Variants in LPP observed in about 807,000 individuals in gnomAD.
The protein encoded by LPP is lipoma-preferred partner.
LPP carries 38 observed loss-of-function variants against 60.4 expected under a neutral mutation model. The ratio of observed to expected loss-of-function variants is 0.63; its 90% CI spans 0.49 to 0.83. The LOEUF (loss-of-function observed/expected upper bound fraction) is 0.83, where lower values mean the gene tolerates loss of function less well. Among genes scored for constraint, LPP ranks in the 40% least tolerant of loss-of-function variants. The pLI is 0.00. For synonymous variants in LPP, 328 were observed against 290.8 expected (o/e 1.13, Z -1.30); for missense variants, 902 against 783.6 (o/e 1.15, Z -1.80).
intron 9 of LPP, among the ~76,000 whole-genome samples, chr3:188,763,763 A>G (rs564189292): frequency 8.1e-4 from 124 of 152,208 alleles, no homozygotes; most frequent in African/African-American, 2.7e-3. Flanking sequence ...GTGTTTTGCA[A>G]TCTTTTAGAA....
At chr3:188,774,666 G>T (rs914537422) in intron 9 of LPP, among the ~76,000 whole-genome samples, 2 of 152,176 alleles carry the variant, frequency 1.3e-5, no homozygotes, top group Non-Finnish European at 2.9e-5. Context: ...GGAAGTCCGA[G>T]ATCAGGGTGT....
At chr3:188,172,399 T>C (rs537558566) in intron 1 of LPP, among the ~76,000 whole-genome samples, 1 of 152,324 alleles carries the variant, frequency 6.6e-6, no homozygotes, top group Admixed American at 6.5e-5. Flanking sequence ...TATCTTGTTG[T>C]GAGGATTAAA....
intron 7 of LPP, among the ~76,000 whole-genome samples, chr3:188,705,358 A>G (rs1354583920): frequency 6.6e-6 from 1 of 152,024 alleles, no homozygotes; most frequent in Non-Finnish European, 1.5e-5. Flanking sequence ...CGTATCTGTC[A>G]TTGTCTATTT....
At chr3:188,485,072 A>G (rs889816857) in intron 5 of LPP, among the ~76,000 whole-genome samples, 17 of 152,148 alleles carry the variant, frequency 1.1e-4, no homozygotes, top group African/African-American at 2.9e-4. Flanking sequence ...ATCTTCAAAC[A>G]TTGCATTCAA....
intron 4 of LPP, among the ~76,000 whole-genome samples, chr3:188,419,216 C>T (rs1787138240): frequency 1.3e-5 from 2 of 152,236 alleles, no homozygotes; most frequent in Admixed American, 6.5e-5. Context: ...TATTCACTTC[C>T]ATCTTGTGCC....
At chr3:188,186,296 T>G (rs1726582475) in intron 1 of LPP, among the ~76,000 whole-genome samples, 1 of 152,186 alleles carries the variant, frequency 6.6e-6, no homozygotes, top group Non-Finnish European at 1.5e-5. Flanking sequence ...CATAAGGGAC[T>G]GCTTCTTATT....
intron 11 of LPP, 72 bp from the exon 12 acceptor site, chr3:188,874,279 A>G: frequency 6.8e-7 from 1 of 1,467,322 alleles, no homozygotes; most frequent in Non-Finnish European, 9.3e-7. Flanking sequence ...TAGAAAGCTC[A>G]ATCATGATGT....
chr3:188,465,131 T>C (rs566899145), intron 4 of LPP, among the ~76,000 whole-genome samples: 1 of 152,250 alleles, frequency 6.6e-6, no homozygotes, highest in East Asian at 1.9e-4. Flanking sequence ...AATTTGTTAT[T>C]TTATGAATGT....
chr3:188,860,405 A>G (rs374161586), intron 9 of LPP, among the ~76,000 whole-genome samples: 2 of 151,782 alleles, frequency 1.3e-5, no homozygotes, highest in Non-Finnish European at 2.9e-5. Context: ...GTACTTCCCA[A>G]CCTTTTTCAC....
intron 1 of LPP, among the ~76,000 whole-genome samples, chr3:188,171,848 C>T (rs1238925938): frequency 6.6e-6 from 1 of 152,158 alleles, no homozygotes; most frequent in Non-Finnish European, 1.5e-5. Context: ...TTTTGCAGGC[C>T]TTGAAAAGAC....
At position 188,878,936 on chromosome 3, in the gene LPP, A is replaced by G. The variant is rs1769591734; in HGVS notation, c.*4457A>G. ...AATGGATGTTAGTGTTTTTTATTTG[A>G]TTTTACAGTAGTTTTAGTCAGATAA... On this transcript the variant is annotated 3_prime_UTR_variant, in exon 12 of 12. Coordinates refer to ENST00000617246, the MANE Select transcript of LPP (RefSeq NM_001375462.1). 4.4e-6 allele frequency: 1 copy of G among 225,852 alleles called. No individual in the cohort carries two copies. The highest frequency in any genetic ancestry group is 6.4e-5 in the East Asian group (1 of 15,586). 14.0% of individuals were successfully genotyped at this position (225,852 alleles called of 1,614,324 possible). A position where few individuals can be genotyped will look rare whatever the true frequency, so the allele number is the denominator to read the frequency against.
intron 3 of LPP, among the ~76,000 whole-genome samples, chr3:188,405,596 G>C (rs1783271472): frequency 6.6e-6 from 1 of 151,908 alleles, no homozygotes; most frequent in Non-Finnish European, 1.5e-5. Context: ...CAAGAAGTGA[G>C]CCTATCTTTT....
chr3:188,669,128 T>C (rs1856416120), intron 7 of LPP, among the ~76,000 whole-genome samples: 1 of 152,100 alleles, frequency 6.6e-6, no homozygotes, highest in Non-Finnish European at 1.5e-5. Flanking sequence ...GGGGAGCCCT[T>C]TGAGACTGGA....
intron 4 of LPP, among the ~76,000 whole-genome samples, chr3:188,431,322 G>A (rs368380302): frequency 1.5e-4 from 23 of 152,232 alleles, no homozygotes; most frequent in African/African-American, 2.6e-4. Flanking sequence ...TAGAGTCACC[G>A]AGGGATTGGA....
At chr3:188,227,526 C>T (rs1397634375) in intron 2 of LPP, among the ~76,000 whole-genome samples, 1 of 152,050 alleles carries the variant, frequency 6.6e-6, no homozygotes, top group Non-Finnish European at 1.5e-5. Context: ...CAGCCTTCAC[C>T]TGCGTTTAAT....
chr3:188,219,161 C>T (rs571626359), intron 1 of LPP, among the ~76,000 whole-genome samples: 1 of 152,256 alleles, frequency 6.6e-6, no homozygotes, highest in Non-Finnish European at 1.5e-5. Context: ...ATTGTTCTCA[C>T]AAGAACCTAG....
chr3:188,236,307 T>C (rs1351574685), intron 2 of LPP, among the ~76,000 whole-genome samples: 1 of 152,082 alleles, frequency 6.6e-6, no homozygotes, highest in Non-Finnish European at 1.5e-5. Flanking sequence ...AAGGTCTTGA[T>C]GGTAAGAGTA....
At chr3:188,562,908 T>G (rs1233299077) in intron 6 of LPP, among the ~76,000 whole-genome samples, 1 of 152,014 alleles carries the variant, frequency 6.6e-6, no homozygotes, top group Non-Finnish European at 1.5e-5. Context: ...GCCATATCTC[T>G]CCAGGGAAAT....
intron 8 of LPP, among the ~76,000 whole-genome samples, chr3:188,738,856 TG>T (rs1273262218): frequency 2.0e-5 from 3 of 152,122 alleles, no homozygotes; most frequent in Non-Finnish European, 4.4e-5. Context: ...TATTAGCTGG[TG>T]TAAATATCGG....
Sources: allele counts gnomAD v4.1 joint callset (sites outside exome capture counted in the v4.1 genomes callset), GRCh38; gene constraint gnomAD v4.1.1; transcripts MANE v1.5; gene names NCBI Gene and HGNC (gene_info 2026-07-23, HGNC 2026-07-21).